PRKAR1B: variants seen among roughly 807,000 people sequenced by gnomAD.
PRKAR1B encodes protein kinase cAMP-dependent type I regulatory subunit beta.
Under a neutral mutation model 46.5 loss-of-function variants are expected in PRKAR1B, and 22 were observed. That is an observed-to-expected ratio of 0.47 (90% CI 0.34 to 0.68). PRKAR1B has a LOEUF of 0.68. Among genes scored for constraint, PRKAR1B ranks in the 30% least tolerant of loss-of-function variants. The pLI, the probability that PRKAR1B is intolerant of heterozygous loss-of-function variation, is 0.01. For synonymous variants in PRKAR1B, 259 were observed against 217.7 expected (o/e 1.19, Z -1.67); for missense variants, 445 against 535.6 (o/e 0.83, Z 1.67).
intron 8 of PRKAR1B, among the ~76,000 whole-genome samples, chr7:583,813 C>T (rs1273001399): frequency 6.6e-6 from 1 of 151,656 alleles, no homozygotes; most frequent in African/African-American, 2.4e-5. Flanking sequence ...CACACTCATG[C>T]ACACACACGC....
Position 572,807 on chromosome 7 carries a change from G to A in PRKAR1B, c.891+6449C>T, listed in dbSNP as rs554752955. 1.2e-3 allele frequency among the ~76,000 whole-genome samples: 184 copies of A among 152,330 alleles called. 2 individuals are homozygous for A. The highest frequency in any genetic ancestry group is 4.2e-3 in the African/African-American group (175 of 41,584). ...TGGCCCTACAGGGATGAGGCCTCAT[G>A]CACAGGGCATCTGCGACCCACCAAG... On this transcript the variant is annotated intron_variant, in intron 9 of 10. Transcript: ENST00000537384.
At position 583,796 on chromosome 7, in the gene PRKAR1B, T is replaced by G. The variant is rs543049120; in HGVS notation, c.769+712A>C. 9.5e-5 allele frequency among the ~76,000 whole-genome samples: 11 copies of G among 115,674 alleles called. No homozygotes were observed. In the East Asian group the frequency reaches 1.9e-3, roughly 20 times the overall value. The allele number at this position is 115,674 out of a possible 152,430, so 75.9% of individuals were successfully genotyped here. On this transcript the variant is annotated intron_variant, in intron 8 of 10. Coordinates refer to ENST00000537384, the MANE Select transcript of PRKAR1B (RefSeq NM_001164760.2). Reference sequence around the variant, plus strand: ...CACTCACGTGTACACCCATGTGCACTCACATGCACACTCATGCACACACAC... The same window carrying G: ...CACTCACGTGTACACCCATGTGCACGCACATGCACACTCATGCACACACAC...
intron 4 of PRKAR1B, among the ~76,000 whole-genome samples, chr7:648,711 G>A (rs1350047449): frequency 1.3e-5 from 2 of 152,218 alleles, no homozygotes; most frequent in African/African-American, 4.8e-5. Context: ...GAACCCAGAA[G>A]GCAGAGGTTG....
At chr7:676,382 C>T (rs1413734610) in intron 4 of PRKAR1B, among the ~76,000 whole-genome samples, 4 of 152,192 alleles carry the variant, frequency 2.6e-5, no homozygotes, top group East Asian at 1.9e-4. Flanking sequence ...CTCAGGCCTC[C>T]GAGCTCCCGG....
chr7:606,913 T>C (rs1162889416), intron 5 of PRKAR1B, among the ~76,000 whole-genome samples: 2 of 152,162 alleles, frequency 1.3e-5, no homozygotes, highest in Admixed American at 6.5e-5. Flanking sequence ...CATATATGTA[T>C]ACATGTACAC....
chr7:691,804 G>C, intron 2 of PRKAR1B: 1 of 1,187,020 alleles, frequency 8.4e-7, no homozygotes, highest in Non-Finnish European at 1.1e-6. Flanking sequence ...GGAGGACGGC[G>C]CATCCCCTGA....
At chr7:659,431 C>T (rs543763789) in intron 4 of PRKAR1B, among the ~76,000 whole-genome samples, 1 of 152,172 alleles carries the variant, frequency 6.6e-6, no homozygotes, top group Non-Finnish European at 1.5e-5. Context: ...CCCACAGGCA[C>T]CGAAGTGACC....
chr7:565,945 C>T (rs1387788760), intron 9 of PRKAR1B, among the ~76,000 whole-genome samples: 2 of 152,194 alleles, frequency 1.3e-5, no homozygotes, highest in Non-Finnish European at 1.5e-5. Context: ...AGGGCTTTAC[C>T]TCTGCAAAAG....
chr7:724,678 T>C (rs148470026), intron 1 of PRKAR1B, among the ~76,000 whole-genome samples: 271 of 152,340 alleles, frequency 1.8e-3, no homozygotes, highest in African/African-American at 6.3e-3. Context: ...AAAAGTCTAG[T>C]TCAACATCCC....
intron 7 of PRKAR1B, among the ~76,000 whole-genome samples, chr7:594,606 G>A (rs1273283128): frequency 5.9e-5 from 9 of 152,096 alleles, no homozygotes; most frequent in South Asian, 4.1e-4. Flanking sequence ...CTGAGGAGGA[G>A]ACCTGAGGCC....
chr7:680,290 G>C (rs1778591099), intron 3 of PRKAR1B, among the ~76,000 whole-genome samples: 1 of 152,148 alleles, frequency 6.6e-6, no homozygotes, highest in African/African-American at 2.4e-5. Flanking sequence ...CTGAGCCTGT[G>C]AGGAACCTAA....
intron 9 of PRKAR1B, among the ~76,000 whole-genome samples, chr7:578,122 T>C (rs1442422905): frequency 6.6e-6 from 1 of 152,174 alleles, no homozygotes; most frequent in African/African-American, 2.4e-5. Flanking sequence ...GCTTGCACCC[T>C]GGCCCTGTTT....
chr7:680,519 G>A (rs764422506), intron 3 of PRKAR1B, 37 bp downstream of exon 3: 133 of 1,573,486 alleles, frequency 8.5e-5, no homozygotes, highest in Non-Finnish European at 1.0e-4. Context: ...ACGTGCCGAG[G>A]CCTGGGGACA....
intron 4 of PRKAR1B, among the ~76,000 whole-genome samples, chr7:645,494 T>C (rs1199821371): frequency 6.6e-6 from 1 of 151,902 alleles, no homozygotes; most frequent in East Asian, 1.9e-4. Flanking sequence ...CTACTAAAAA[T>C]AAAAATAATT....
At chr7:574,096 A>T (rs1189482938) in intron 9 of PRKAR1B, among the ~76,000 whole-genome samples, 5 of 152,122 alleles carry the variant, frequency 3.3e-5, no homozygotes, top group Admixed American at 2.0e-4. Context: ...CGCACCCACG[A>T]TCCACGCCCC....
At chr7:553,470 C>A (rs1426040962) in intron 9 of PRKAR1B, among the ~76,000 whole-genome samples, 1 of 152,196 alleles carries the variant, frequency 6.6e-6, no homozygotes, top group Non-Finnish European at 1.5e-5. Context: ...ATTTTACAGC[C>A]GGGGAAGCTG....
At chr7:680,833 A>C in intron 2 of PRKAR1B, 107 bp from the exon 3 acceptor site, 1 of 1,333,606 alleles carries the variant, frequency 7.5e-7, no homozygotes, top group Non-Finnish European at 1.0e-6. Context: ...TAGTGGGAGG[A>C]TCGCTTGAAC....
intron 7 of PRKAR1B, among the ~76,000 whole-genome samples, chr7:586,952 C>T (rs181219994): frequency 0.021 from 3,057 of 148,886 alleles, 41 homozygotes; most frequent in Middle Eastern, 0.053. Flanking sequence ...GGTGCGATCT[C>T]GGCTCACTGC....
chr7:656,865 A>G (rs1368134933), intron 4 of PRKAR1B, among the ~76,000 whole-genome samples: 1 of 151,816 alleles, frequency 6.6e-6, no homozygotes, highest in Non-Finnish European at 1.5e-5. Flanking sequence ...GAATGAATGA[A>G]TGGGTGAACA....
Sources: gnomAD v4.1 joint callset for allele counts (sites outside exome capture counted in the v4.1 genomes callset) on GRCh38, gnomAD v4.1.1 for gene constraint, MANE v1.5 for transcripts, NCBI Gene and HGNC (gene_info 2026-07-23, HGNC 2026-07-21) for gene names.